The following HDC variants were observed in gnomAD, a reference collection of about 807,000 sequenced individuals.
HDC encodes histidine decarboxylase.
A neutral mutation model predicts 64.4 loss-of-function variants in HDC; 27 were observed. The ratio of observed to expected loss-of-function variants is 0.42; its 90% CI spans 0.31 to 0.58. HDC has a LOEUF of 0.58. Among genes scored for constraint, HDC ranks in the 20% least tolerant of loss-of-function variants. The probability of loss-of-function intolerance (pLI) is 0.16; values close to 1 mark genes in which losing one functional copy is unlikely to be tolerated. For synonymous variants in HDC, 305 were observed against 314.2 expected (o/e 0.97, Z 0.31); for missense variants, 711 against 833.9 (o/e 0.85, Z 1.81).
intron 2 of HDC, 46 bp from the exon 3 acceptor site, chr15:50,258,563 G>T: frequency 1.7e-6 from 2 of 1,155,528 alleles, no homozygotes; most frequent in Non-Finnish European, 2.6e-6. Context: ...GGCATTTCCA[G>T]CAGGCTTTCT....
intron 2 of HDC, among the ~76,000 whole-genome samples, chr15:50,261,366 T>A (rs941492625): frequency 2.0e-5 from 3 of 152,188 alleles, no homozygotes; most frequent in Non-Finnish European, 4.4e-5. Context: ...TTTTACAGAA[T>A]AAAATCCAGG....
chr15:50,246,737 T>C (rs1423188836), intron 10 of HDC, among the ~76,000 whole-genome samples: 1 of 152,174 alleles, frequency 6.6e-6, no homozygotes, highest in Non-Finnish European at 1.5e-5. Flanking sequence ...ACATTGAATA[T>C]CCAGTCCCAA....
At chr15:50,254,726 C>T in intron 4 of HDC, 62 bp from the exon 5 acceptor site, 1 of 1,541,658 alleles carries the variant, frequency 6.5e-7, no homozygotes, top group Non-Finnish European at 8.9e-7. Context: ...TTTCCCCAGG[C>T]TTTCTAGTTT....
chr15:50,250,792 A>T (rs2045543964), intron 9 of HDC, among the ~76,000 whole-genome samples: 1 of 152,180 alleles, frequency 6.6e-6, no homozygotes, highest in East Asian at 1.9e-4. Context: ...GTGGAGATAA[A>T]GAACCATTAT....
chr15:50,253,285 A>C, intron 7 of HDC: 1 of 435,946 alleles, frequency 2.3e-6, no homozygotes, highest in Non-Finnish European at 4.3e-6. Flanking sequence ...TTCACACTGT[A>C]TTTTGGATAT....
rs1202162665 is a variant in HDC at position 50,248,360 on chromosome 15, A to C, written c.1042-17T>G. 1 of 1,588,804 alleles carries C rather than the reference A, an allele frequency of 6.3e-7. No homozygotes were observed. The highest frequency in any genetic ancestry group is 8.6e-7 in the Non-Finnish European group (1 of 1,157,222). ...CTGCCAGTGCTAGAAACAAAGGAAC[A>C]CAGTGCCCAAGGTTAGAGACAAGGG... On this transcript the variant is annotated splice_polypyrimidine_tract_variant and intron_variant, in intron 9 of 11. Coordinates refer to ENST00000267845, the MANE Select transcript of HDC (RefSeq NM_002112.4). This position sits in a 1 kb window ranked among gnomAD's most constrained non-coding sequence, Gnocchi z 4.3.
chr15:50,265,560 C>G (rs2045755863), intron 1 of HDC, 33 bp downstream of exon 1: 1 of 1,607,162 alleles, frequency 6.2e-7, no homozygotes, highest in African/African-American at 1.3e-5. Flanking sequence ...GGAGTAGCAG[C>G]AGGGAAGAGG....
chr15:50,246,189 C>T lies in HDC; in HGVS notation c.1140+2056G>A, dbSNP rs149161963. ...GAGCCTTGCCAGGTTAGAGTGACCA[C>T]CCCAGGCACTGTGCTAAGGATCTAA... is the stretch of plus-strand genomic sequence containing the variant. On this transcript the variant is annotated intron_variant, in intron 10 of 11. Coordinates refer to ENST00000267845, the MANE Select transcript of HDC (RefSeq NM_002112.4). 7.1e-3 allele frequency among the ~76,000 whole-genome samples: 1,082 copies of T among 152,270 alleles called. 3 individuals carry two copies. The highest frequency in any genetic ancestry group is 0.011 in the Non-Finnish European group (734 of 68,012).
rs201627651 is a variant in HDC, at chr15:50,254,301, A to G, written c.577-28T>C. On this transcript the variant is annotated intron_variant, in intron 5 of 11. Transcript: ENST00000267845. ...AGAAGGGCCACAGAAACCTGTCAGC[A>G]AAGAGTCATCCTGGAATGATCACCC... 1.5e-4 allele frequency: 248 copies of G among 1,613,674 alleles called. 2 individuals are homozygous for G. The highest frequency in any genetic ancestry group is 1.5e-3 in the South Asian group (133 of 91,040).
chr15:50,251,563 T>C (rs1427237698), intron 9 of HDC, among the ~76,000 whole-genome samples: 1 of 152,146 alleles, frequency 6.6e-6, no homozygotes, highest in Non-Finnish European at 1.5e-5. Context: ...TTCGTTTACA[T>C]CCCTGTCTCC....
At chr15:50,257,588 G>A (rs199532111) in intron 3 of HDC, 41 bp from the exon 4 acceptor site, 1 of 1,611,810 alleles carries the variant, frequency 6.2e-7, no homozygotes, top group Non-Finnish European at 8.5e-7. Flanking sequence ...CAGCCCCAGG[G>A]CACTGAGGTG....
At position 50,258,430 on chromosome 15, in the gene HDC, C is replaced by A. The variant is rs1198322537; in HGVS notation, c.292G>T (p.Ala98Ser). The A allele has an allele frequency of 2.5e-6, 4 of 1,612,680 alleles. No homozygotes were observed. Among genetic ancestry groups the A allele is most frequent in the Non-Finnish European group, 3.4e-6 (4 of 1,178,804 alleles). ...PSLLGDMLAD[A>S]INCLGFTWAS... ...CAGGTGAATCCCAAGCAGTTGATGGCATCAGCCAGCATGTCTCCTAGCAGG... is the reference window on the plus strand; with the variant it reads ...CAGGTGAATCCCAAGCAGTTGATGGAATCAGCCAGCATGTCTCCTAGCAGG... The change falls in exon 3 of 12, where the codon GCC (alanine) becomes TCC (serine). Residue 98 changes from alanine (A) to serine (S), a missense_variant. Physicochemically the swap from Ala to Ser is moderately conservative, Grantham distance 99. Around this residue, in one of 3 missense-constraint regions of HDC, gnomAD observed 225 missense variants for 276.2 expected, o/e 0.81. Transcript: ENST00000267845.
chr15:50,263,157 G>T, intron 2 of HDC, 78 bp downstream of exon 2: 1 of 1,454,008 alleles, frequency 6.9e-7, no homozygotes, highest in Non-Finnish European at 9.7e-7. Context: ...CTGACCCAAA[G>T]CAGGTCTTTC....
chr15:50,250,544 G>A (rs569384058), intron 9 of HDC, among the ~76,000 whole-genome samples: 9 of 152,246 alleles, frequency 5.9e-5, no homozygotes, highest in African/African-American at 2.2e-4. Context: ...TGAACCCCGG[G>A]AAGATCCTGA....
At chr15:50,250,973 A>G (rs990937155) in intron 9 of HDC, among the ~76,000 whole-genome samples, 1 of 152,202 alleles carries the variant, frequency 6.6e-6, no homozygotes, top group Non-Finnish European at 1.5e-5. Context: ...TTTTAAGACT[A>G]AAAGGGCAAG....
intron 2 of HDC, among the ~76,000 whole-genome samples, chr15:50,258,980 G>A (rs2045668466): frequency 6.7e-6 from 1 of 148,390 alleles, no homozygotes; most frequent in African/African-American, 2.5e-5. Context: ...CTAACATGGT[G>A]AAACCCCATC....
chr15:50,252,850 G>A, intron 7 of HDC, 76 bp from the exon 8 acceptor site: 1 of 1,428,034 alleles, frequency 7.0e-7, no homozygotes. Context: ...GCCAAGCTGA[G>A]TGGTGGGCTG....
Position 50,242,759 on chromosome 15 carries a change from G to C in HDC, c.1490C>G (p.Ala497Gly). The C allele has an allele frequency of 1.9e-6, 3 of 1,613,974 alleles. No homozygotes were observed. The highest frequency in any genetic ancestry group is 2.5e-6 in the Non-Finnish European group (3 of 1,180,024). ...GGACGTTCCACAGGCCCAGGCTCTG[G>C]CACCCCTGATTTGGGAGATGAGGTT... Reference protein sequence around the residue: ...VGNLISQIRGARAWACGTSLQ... With the variant: ...VGNLISQIRGGRAWACGTSLQ... Residue 497 changes from alanine (A) to glycine (G), a missense_variant, in exon 12 of 12, where the codon GCC (alanine) becomes GGC (glycine). Around this residue, in one of 3 missense-constraint regions of HDC, gnomAD observed 483 missense variants for 540.9 expected, o/e 0.89. Coordinates refer to ENST00000267845, the MANE Select transcript of HDC (RefSeq NM_002112.4).
chr15:50,257,284 T>C (rs569539853), intron 4 of HDC, 141 bp downstream of exon 4: 76 of 994,048 alleles, frequency 7.6e-5, no homozygotes, highest in Non-Finnish European at 1.2e-4. Flanking sequence ...GTGGAAGCTG[T>C]GATGATGGTG....
Sources: gnomAD v4.1 joint callset for allele counts (sites outside exome capture counted in the v4.1 genomes callset) on GRCh38, gnomAD v4.1.1 for gene constraint, gnomAD v4.1.1 regional missense constraint, Gnocchi (gnomAD v3.1) non-coding constraint, MANE v1.5 for transcripts, NCBI Gene and HGNC (gene_info 2026-07-23, HGNC 2026-07-21) for gene names.